The following UNC13A variants were observed in gnomAD, a reference collection of about 807,000 sequenced individuals.
UNC13A encodes protein unc-13 homolog A.
A neutral mutation model predicts 219.7 loss-of-function variants in UNC13A; 61 were observed. The ratio of observed to expected loss-of-function variants is 0.28; its 90% CI spans 0.23 to 0.34. UNC13A has a LOEUF of 0.34. UNC13A is among the 10% of genes least tolerant of loss of function. UNC13A has a pLI of 1.00. For synonymous variants in UNC13A, 920 were observed against 884.6 expected (o/e 1.04, Z -0.71); for missense variants, 1,476 against 2,270.3 (o/e 0.65, Z 7.11).
rs1002185442 is a variant in UNC13A at position 17,646,922 on chromosome 19, C to T, written c.2044+343G>A. ...CTTGCCCACAGCATTGTCTGCTCAACGGCATCTCCTTCAGGACTCCTTCCA... is the reference window on the plus strand; with the variant it reads ...CTTGCCCACAGCATTGTCTGCTCAATGGCATCTCCTTCAGGACTCCTTCCA... On this transcript the variant is annotated intron_variant, in intron 17 of 43. Coordinates refer to ENST00000519716, the MANE Select transcript of UNC13A (RefSeq NM_001080421.3). 4.6e-5 allele frequency among the ~76,000 whole-genome samples: 7 copies of T among 152,228 alleles called. No homozygotes were observed. In the East Asian group the frequency reaches 1.4e-3, roughly 29 times the overall value.
chr19:17,617,416 G>C (rs1182770784), intron 41 of UNC13A, among the ~76,000 whole-genome samples: 1 of 152,094 alleles, frequency 6.6e-6, no homozygotes, highest in Non-Finnish European at 1.5e-5. Context: ...ATCCTACCCT[G>C]GTCCTTGATG....
intron 19 of UNC13A, 107 bp from the exon 20 acceptor site, chr19:17,643,067 A>T: frequency 1.2e-6 from 1 of 820,988 alleles, no homozygotes; most frequent in South Asian, 1.7e-5. Context: ...GCTGGAGTGC[A>T]GTGGCACGAT....
chr19:17,608,302 T>C (rs2076557384), intron 43 of UNC13A, among the ~76,000 whole-genome samples: 1 of 139,650 alleles, frequency 7.2e-6, no homozygotes, highest in Non-Finnish European at 1.5e-5. Context: ...ATATATACTA[T>C]ATATAATTTT....
At chr19:17,679,319 G>C (rs2145923917) in intron 1 of UNC13A, among the ~76,000 whole-genome samples, 1 of 152,110 alleles carries the variant, frequency 6.6e-6, no homozygotes, top group East Asian at 1.9e-4. Flanking sequence ...AGAATCGCTT[G>C]AACCCAGGAG....
intron 1 of UNC13A, among the ~76,000 whole-genome samples, chr19:17,680,470 G>C (rs991618032): frequency 1.3e-5 from 2 of 152,218 alleles, no homozygotes; most frequent in Non-Finnish European, 2.9e-5. Flanking sequence ...AGCGACGAGC[G>C]GGTGAAGACA....
At chr19:17,634,851 C>A (rs533941760) in intron 26 of UNC13A, among the ~76,000 whole-genome samples, 1 of 152,016 alleles carries the variant, frequency 6.6e-6, no homozygotes, top group Non-Finnish European at 1.5e-5. Context: ...TGTACCACCA[C>A]GCCCGGTTAA....
intron 1 of UNC13A, among the ~76,000 whole-genome samples, 165 bp downstream of exon 1, chr19:17,688,013 A>C (rs367927926): frequency 7.6e-4 from 110 of 144,010 alleles, no homozygotes; most frequent in African/African-American, 2.8e-3. Context: ...TACACGGATC[A>C]CCCCCTCCGG....
chr19:17,681,797 T>G, intron 1 of UNC13A, among the ~76,000 whole-genome samples: 1 of 152,110 alleles, frequency 6.6e-6, no homozygotes, highest in East Asian at 1.9e-4. Context: ...CCGTGTACCC[T>G]CAACGAACTA....
intron 38 of UNC13A, among the ~76,000 whole-genome samples, chr19:17,620,283 A>G (rs59692645): frequency 0.21 from 31,592 of 151,970 alleles, 4,389 homozygotes; most frequent in African/African-American, 0.39. Context: ...TTACTGTGGA[A>G]ATATTTGGAA....
chr19:17,660,561 TCGC>T (rs2079534393), intron 8 of UNC13A, among the ~76,000 whole-genome samples: 1 of 148,424 alleles, frequency 6.7e-6, no homozygotes. Flanking sequence ...AGACAGAGTC[TCGC>T]TCTGTCACCC....
chr19:17,630,134 C>T lies in UNC13A; in HGVS notation c.3669+11G>A. ...TGTCCCCTAGCCCCAACCCTACCCA[C>T]TCTCCCACACCTTGGCAAAGCGCCT... On this transcript the variant is annotated intron_variant, in intron 30 of 43. Transcript: ENST00000519716. The T allele has an allele frequency of 5.8e-6, 9 of 1,551,744 alleles. No individual in the cohort carries two copies. The highest frequency in any genetic ancestry group is 7.8e-6 in the Non-Finnish European group (9 of 1,146,966).
Position 17,605,998 on chromosome 19 carries a change from C to T in UNC13A, c.*56G>A, listed in dbSNP as rs1158998934. ...GTCCCACCAAGGCGCAAGCCCCGTCCCTCCCCGCCCAGCGCCCTCCGCGCA... is the reference window on the plus strand; with the variant it reads ...GTCCCACCAAGGCGCAAGCCCCGTCTCTCCCCGCCCAGCGCCCTCCGCGCA... On this transcript the variant is annotated 3_prime_UTR_variant, in exon 44 of 44. Transcript: ENST00000519716. 4 of 1,374,768 alleles carry T rather than the reference C, an allele frequency of 2.9e-6. No individual in the cohort carries two copies. The highest frequency in any genetic ancestry group is 1.5e-5 in the African/African-American group (1 of 65,136). 85.2% of individuals were successfully genotyped at this position (1,374,768 alleles called of 1,614,324 possible). A position where few individuals can be genotyped will look rare whatever the true frequency, so the allele number is the denominator to read the frequency against.
chr19:17,602,968 C>T lies in UNC13A; in HGVS notation c.*3086G>A, dbSNP rs1484978144. 1 of 152,170 alleles carries T rather than the reference C, an allele frequency of 6.6e-6. No individual in the cohort carries two copies. The highest frequency in any genetic ancestry group is 1.5e-5 in the Non-Finnish European group (1 of 68,058). The allele number at this position is 152,170 out of a possible 1,614,324, so 9.4% of individuals were successfully genotyped here. On this transcript the variant is annotated 3_prime_UTR_variant, in exon 44 of 44. Coordinates refer to ENST00000519716, the MANE Select transcript of UNC13A (RefSeq NM_001080421.3). ...GAGCTGGACAGAGAAACCCCCAGTC[C>T]CATGGCATCAGGCTGGACTGGAGGA...
chr19:17,635,507 GC>G (rs200734278), intron 26 of UNC13A, among the ~76,000 whole-genome samples: 2,703 of 152,154 alleles, frequency 0.018, 36 homozygotes, highest in Non-Finnish European at 0.029. Context: ...TGAAAACTGT[GC>G]CCATATTCAT....
Position 17,656,091 on chromosome 19 carries a change from C to T in UNC13A, c.1075G>A (p.Ala359Thr), listed in dbSNP as rs34752754. The change falls in exon 10 of 44, where the codon GCC (alanine) becomes ACC (threonine). Residue 359 changes from alanine to threonine, a missense_variant. By Grantham distance (58) the Ala-to-Thr change is moderately conservative. Transcript: ENST00000519716. ...EEVPDDLGSYAQREDVAVAEP... is the reference protein window; with the variant it reads ...EEVPDDLGSYTQREDVAVAEP... ...GCCACAGCTACGTCTTCACGCTGGG[C>T]ATAGCTGCCCAAATCGTCAGGCACC... is the stretch of plus-strand genomic sequence containing the variant. 635,619 of 1,552,580 alleles carry T rather than the reference C, an allele frequency of 0.41. 137,024 individuals carry two copies. The highest frequency in any genetic ancestry group is 0.47 in the Middle Eastern group (2,792 of 5,988).
rs2076517945 is a variant in UNC13A at position 17,605,795 on chromosome 19, CTGGGGGCGTGGCCTCAAGT to C, written c.*240_*258del. On this transcript the variant is annotated 3_prime_UTR_variant, in exon 44 of 44. Coordinates refer to ENST00000519716, the MANE Select transcript of UNC13A (RefSeq NM_001080421.3). The stretch of plus-strand genomic sequence containing the variant: ...CCCAGCTCAAAATGCCCCCTAGGTG[CTGGGGGCGTGGCCTCAAGT>C]TGGGGATGTGGCTCCTTCCTTCGTC... The C allele has an allele frequency of 2.3e-6, 1 of 430,040 alleles. No individual in the cohort carries two copies. The highest frequency in any genetic ancestry group is 4.1e-6 in the Non-Finnish European group (1 of 245,934). The allele number at this position is 430,040 out of a possible 1,614,324, so 26.6% of individuals were successfully genotyped here.
chr19:17,628,315 T>A, intron 31 of UNC13A: 1 of 195,720 alleles, frequency 5.1e-6, no homozygotes, highest in South Asian at 1.1e-4. Flanking sequence ...TGAAGGCGTG[T>A]GCCCTCACCC....
At chr19:17,639,023 G>T in intron 25 of UNC13A, 60 bp downstream of exon 25, 1 of 1,514,206 alleles carries the variant, frequency 6.6e-7, no homozygotes. Context: ...GGCAGGGCTG[G>T]GACTGAAGCC....
intron 37 of UNC13A, 80 bp from the exon 38 acceptor site, chr19:17,620,802 A>G: frequency 6.5e-7 from 1 of 1,530,316 alleles, no homozygotes; most frequent in Non-Finnish European, 9.0e-7. Context: ...GCCCCCTCAA[A>G]GCACAGTCTC....
Sources: allele counts gnomAD v4.1 joint callset (sites outside exome capture counted in the v4.1 genomes callset), GRCh38; gene constraint gnomAD v4.1.1; transcripts MANE v1.5; gene names NCBI Gene and HGNC (gene_info 2026-07-23, HGNC 2026-07-21).